Variants in TEX11 observed in about 807,000 individuals in gnomAD.
TEX11 encodes the protein testis expressed 11, also known as testis-expressed protein 11.
Under a neutral mutation model 84.4 loss-of-function variants are expected in TEX11, and 7 were observed. That is an observed-to-expected ratio of 0.08 (90% CI 0.05 to 0.16). TEX11 has a LOEUF of 0.16. Among genes scored for constraint, TEX11 ranks in the 10% least tolerant of loss-of-function variants. The pLI, the probability that TEX11 is intolerant of heterozygous loss-of-function variation, is 1.00. For synonymous variants in TEX11, 264 were observed against 222.8 expected (o/e 1.18, Z -1.64); for missense variants, 551 against 660.5 (o/e 0.83, Z 1.82).
At chrX:70,523,836 C>T in the TEX11 span, among the ~76,000 whole-genome samples, 96 of 104,656 alleles carry the variant, frequency 9.2e-4, 1 homozygote, top group East Asian at 0.023. Flanking sequence ...TCATCTTAAT[C>T]CCAAGCAAGT....
intron 24 of TEX11, among the ~76,000 whole-genome samples, chrX:70,592,848 G>A (rs2088952044): frequency 9.0e-6 from 1 of 111,029 alleles, no homozygotes; most frequent in Non-Finnish European, 1.9e-5. Context: ...TCAAGTCTAA[G>A]GACACTGTAA....
intron 10 of TEX11, among the ~76,000 whole-genome samples, chrX:70,741,480 G>A (rs1325071217): frequency 9.0e-6 from 1 of 110,629 alleles, no homozygotes; most frequent in Non-Finnish European, 1.9e-5. Context: ...TGGGGGTGTT[G>A]GGAAGTTTTT....
In TEX11 at chrX:70,534,261, T is replaced by C. The variant is rs146013142; in HGVS notation, c.2521-4262A>G. On this transcript the variant is annotated intron_variant, in intron 28 of 29. Coordinates refer to ENST00000374333, the MANE Select transcript of TEX11 (RefSeq NM_031276.3). ...GAACTAGGTTACTGATGGTGAAAGA[T>C]AGGAGGAAGTAGATGAATTTGAGAG... Among the ~76,000 whole-genome samples the C allele has an allele frequency of 5.2e-3, 574 of 109,878 alleles. 3 individuals carry two copies. Among genetic ancestry groups the C allele is most frequent in the African/African-American group, 0.018 (536 of 30,176 alleles).
intron 20 of TEX11, among the ~76,000 whole-genome samples, chrX:70,615,244 A>G (rs2089305655): frequency 8.9e-6 from 1 of 111,958 alleles, no homozygotes; most frequent in African/African-American, 3.2e-5. Context: ...GTATGTGACC[A>G]TTCAGAAAGA....
At chrX:70,822,173 T>C (rs768494379) in intron 8 of TEX11, among the ~76,000 whole-genome samples, 1 of 111,382 alleles carries the variant, frequency 9.0e-6, no homozygotes. Context: ...TAGGTAGGAA[T>C]AGGAAAGTAG....
downstream of TEX11, among the ~76,000 whole-genome samples, chrX:70,526,728 C>A (rs1285174802): frequency 9.0e-6 from 1 of 111,340 alleles, no homozygotes; most frequent in Non-Finnish European, 1.9e-5. Context: ...AATAATGTCA[C>A]CCTCGTAACA....
intron 7 of TEX11, among the ~76,000 whole-genome samples, chrX:70,839,168 G>T (rs928283145): frequency 8.9e-6 from 1 of 112,179 alleles, no homozygotes; most frequent in Non-Finnish European, 1.9e-5. Context: ...CGCAGCTTGA[G>T]ATCTGGGAAC....
chrX:70,803,989 AAT>A (rs1355037717), intron 9 of TEX11, among the ~76,000 whole-genome samples: 1 of 109,100 alleles, frequency 9.2e-6, no homozygotes, highest in Non-Finnish European at 1.9e-5. Context: ...ACAAAAAAAC[AAT>A]GTTTTTTTTT....
chrX:70,852,956 A>G (rs1352109317), intron 7 of TEX11, 78 bp downstream of exon 7: 2 of 996,102 alleles, frequency 2.0e-6, no homozygotes, highest in East Asian at 3.2e-5. Flanking sequence ...CTTTCTTCCA[A>G]TAGGCTATAT....
rs1229515518 is a variant in TEX11 at position 70,828,875 on chromosome X, G to A, written c.606+4638C>T. Among the ~76,000 whole-genome samples, 5 of 110,969 alleles carry A rather than the reference G, an allele frequency of 4.5e-5. No individual in the cohort carries two copies. In the East Asian group the frequency reaches 1.4e-3, roughly 31 times the overall value. ...AGAAGAAAAAAAATCACATACAATC[G>A]AACTTCAATACATCTGGCAGCCAAC... On this transcript the variant is annotated intron_variant, in intron 8 of 29. Coordinates refer to ENST00000374333, the MANE Select transcript of TEX11 (RefSeq NM_031276.3).
chrX:70,723,503 A>G (rs1345407168), intron 12 of TEX11, among the ~76,000 whole-genome samples: 1 of 111,915 alleles, frequency 8.9e-6, no homozygotes, highest in Non-Finnish European at 1.9e-5. Context: ...AAAATAAACT[A>G]AGAGAAAAAA....
In TEX11 at chrX:70,629,727, C is replaced by T. The variant is rs768148480; in HGVS notation, c.1492G>A (p.Ala498Thr). 2 of 1,154,187 alleles carry T rather than the reference C, an allele frequency of 1.7e-6. No individual in the cohort carries two copies. The highest frequency in any genetic ancestry group is 2.0e-5 in the South Asian group (1 of 50,495). ...IEGNSERALQAIITLENILTD... is the reference protein window; with the variant it reads ...IEGNSERALQTIITLENILTD... ...AATATATTCTCTAAAGTAATTATTG[C>T]CTGCAAAGCTGAAAAACAAGAAAAA... The change falls in exon 18 of 30, where the codon GCA (alanine) becomes ACA (threonine). Residue 498 changes from alanine (A) to threonine (T), a missense_variant. Ala to Thr is a moderately conservative substitution (Grantham distance 58). Transcript: ENST00000374333.
intron 16 of TEX11, among the ~76,000 whole-genome samples, chrX:70,668,780 C>T (rs954875665): frequency 8.9e-6 from 1 of 112,221 alleles, no homozygotes; most frequent in African/African-American, 3.2e-5. Flanking sequence ...ATCTAGTCAA[C>T]TTGTATTCCT....
At chrX:70,643,182 A>T (rs1166350658) in intron 17 of TEX11, among the ~76,000 whole-genome samples, 10 of 97,582 alleles carry the variant, frequency 1.0e-4, no homozygotes, top group African/African-American at 3.8e-4. Context: ...TGCTTCAAAG[A>T]GAATAAAATA....
In TEX11 at chrX:70,781,303, T is replaced by A. The variant is rs181441374; in HGVS notation, c.692+25402A>T. On this transcript the variant is annotated intron_variant, in intron 9 of 29. Transcript: ENST00000374333. ...AAAGGACATCTACACCAAAACTCCA[T>A]CTGTAGGTCACCAACATCAAATACC... Among the ~76,000 whole-genome samples the A allele has an allele frequency of 6.9e-4, 77 of 111,712 alleles. No homozygotes were observed. In the Admixed American group the frequency reaches 7.0e-3, roughly 10 times the overall value.
intron 2 of TEX11, among the ~76,000 whole-genome samples, chrX:70,891,441 A>C (rs1314062590): frequency 9.0e-6 from 1 of 111,569 alleles, no homozygotes; most frequent in Non-Finnish European, 1.9e-5. Flanking sequence ...CTCCAAGCTA[A>C]AGGAGGATGT....
chrX:70,841,753 AAG>A (rs2091446105), intron 7 of TEX11, among the ~76,000 whole-genome samples: 1 of 111,814 alleles, frequency 8.9e-6, no homozygotes, highest in African/African-American at 3.2e-5. Context: ...TAAAGAAGAA[AAG>A]AGAGAAGAAT....
rs190390208 is a variant in TEX11, at chrX:70,750,428, T to C, written c.693-6209A>G. Among the ~76,000 whole-genome samples, 570 of 111,661 alleles carry C rather than the reference T, an allele frequency of 5.1e-3. 5 individuals are homozygous for C. Among genetic ancestry groups the C allele is most frequent in the African/African-American group, 0.018 (540 of 30,635 alleles). On this transcript the variant is annotated intron_variant, in intron 9 of 29. Coordinates refer to ENST00000374333, the MANE Select transcript of TEX11 (RefSeq NM_031276.3). Reference sequence around the variant, plus strand: ...CCCAGCCATCCCATTACTGGGTATATAGCCAAAGGACTATAAATCATGCTG... The same window carrying C: ...CCCAGCCATCCCATTACTGGGTATACAGCCAAAGGACTATAAATCATGCTG...
At chrX:70,745,689 G>A (rs903722290) in intron 9 of TEX11, among the ~76,000 whole-genome samples, 2 of 111,987 alleles carry the variant, frequency 1.8e-5, no homozygotes, top group Non-Finnish European at 3.8e-5. Context: ...AGCCAATACT[G>A]TGCCACTGCA....
Sources: allele counts gnomAD v4.1 joint callset (sites outside exome capture counted in the v4.1 genomes callset), GRCh38; gene constraint gnomAD v4.1.1; transcripts MANE v1.5; gene names NCBI Gene and HGNC (gene_info 2026-07-23, HGNC 2026-07-21).